The following SLC22A17 variants were observed in gnomAD, a reference collection of about 807,000 sequenced individuals.
SLC22A17 encodes solute carrier family 22 member 17.
Under a neutral mutation model 53.6 loss-of-function variants are expected in SLC22A17, and 38 were observed. That is an observed-to-expected ratio of 0.71 (90% CI 0.55 to 0.93). SLC22A17 has a LOEUF of 0.93. SLC22A17 is among the 40% of genes least tolerant of loss of function. SLC22A17 has a pLI of 0.00. For missense variants in SLC22A17, 704 were observed against 791.0 expected, an observed-to-expected ratio of 0.89 and a Z score of 1.32; for synonymous variants, 379 against 353.0, an observed-to-expected ratio of 1.07 and a Z score of -0.82.
rs1345202898 is a variant in SLC22A17, at chr14:23,349,347, A to AG, written c.783dup (p.Ser262LeufsTer19). ...AATCGGAGGGCCATGACGCCTGTGG[A>AG]GGAGCCTGCAGCAGCCCCTCCTACT... On this transcript the variant is annotated frameshift_variant, in exon 4 of 10. Transcript: ENST00000397267. LOFTEE classifies it high-confidence loss of function. The AG allele has an allele frequency of 6.2e-7, 1 of 1,613,856 alleles. No homozygotes were observed.
chr14:23,349,465 T>G (rs1566481751), intron 3 of SLC22A17, 39 bp from the exon 4 acceptor site: 1 of 1,585,402 alleles, frequency 6.3e-7, no homozygotes, highest in Non-Finnish European at 8.6e-7. Context: ...CCAGACTCTC[T>G]GGTGGTGGGA....
intron 3 of SLC22A17, among the ~76,000 whole-genome samples, chr14:23,350,746 T>C (rs1474335380): frequency 6.6e-6 from 1 of 152,172 alleles, no homozygotes; most frequent in African/African-American, 2.4e-5. Flanking sequence ...GATGAAACCA[T>C]GGTTCCATAG....
rs1373738231 is a variant in SLC22A17, at chr14:23,347,065, GC to G, written c.1661+35del. 4.4e-6 allele frequency: 7 copies of G among 1,578,234 alleles called. No homozygotes were observed. The highest frequency in any genetic ancestry group is 6.0e-6 in the Non-Finnish European group (7 of 1,161,216). On this transcript the variant is annotated intron_variant, in intron 9 of 9. Coordinates refer to ENST00000397267, the Ensembl canonical transcript of SLC22A17. This position sits in a 1 kb window ranked among gnomAD's most constrained non-coding sequence, Gnocchi z 5.1. ...GGGTGGGGGAGCGGGAGGCGAGGGG[GC>G]CCGGCTCTGCCCCTGGGGGCACCCC...
In SLC22A17 at chr14:23,352,563, C is replaced by A. The variant is rs556146822; in HGVS notation, c.96+83G>T. ...GGAAGGCAGTCAGGGGCGAGGGATG[C>A]GCAGGAGGAAAATGCCAGACGCTCC... On this transcript the variant is annotated intron_variant, in intron 1 of 9. Coordinates refer to ENST00000397267, the Ensembl canonical transcript of SLC22A17. The surrounding 1 kb of genome is among the most constrained non-coding windows in gnomAD (Gnocchi z 7.2). 1 of 415,648 alleles carries A rather than the reference C, an allele frequency of 2.4e-6. No homozygotes were observed. The highest frequency in any genetic ancestry group is 3.6e-5 in the East Asian group (1 of 28,108). The allele number at this position is 415,648 out of a possible 1,614,324, so 25.7% of individuals were successfully genotyped here. A position where few individuals can be genotyped will look rare whatever the true frequency, so the allele number is the denominator to read the frequency against.
chr14:23,349,379 G>A (rs1214506484), exon 4 of SLC22A17: 1 of 1,613,784 alleles, frequency 6.2e-7, no homozygotes, highest in African/African-American at 1.3e-5. Context: ...TACTCCACAG[G>A]GGCCCACCAG....
Position 23,347,250 on chromosome 14 carries a change from G to C in SLC22A17, c.1550-38C>G. 1 of 1,580,080 alleles carries C rather than the reference G, an allele frequency of 6.3e-7. No homozygotes were observed. The highest frequency in any genetic ancestry group is 8.6e-7 in the Non-Finnish European group (1 of 1,156,946). On this transcript the variant is annotated intron_variant, in intron 8 of 9. Transcript: ENST00000397267. This position sits in a 1 kb window ranked among gnomAD's most constrained non-coding sequence, Gnocchi z 5.1. ...GAGGGATGATATGAATGCAGGTGGG[G>C]AGGTCAAGGCTGGCCTAGTCCCGGG...
Position 23,348,473 on chromosome 14 carries a change from AT to A in SLC22A17, c.1025+32del. On this transcript the variant is annotated intron_variant, in intron 5 of 9. Transcript: ENST00000397267. The surrounding 1 kb of genome is among the most constrained non-coding windows in gnomAD (Gnocchi z 4.5). ...GGCTAGTTTGGAGGCAGAGATGGGA[AT>A]TGCCAGACGACAGGTGAAGGGTAAT... is the stretch of plus-strand genomic sequence containing the variant. 1 of 1,603,690 alleles carries A rather than the reference AT, an allele frequency of 6.2e-7. No individual in the cohort carries two copies.
At chr14:23,351,653 A>T in intron 3 of SLC22A17, 99 bp downstream of exon 3, 1 of 920,696 alleles carries the variant, frequency 1.1e-6, no homozygotes, top group Non-Finnish European at 1.7e-6. Context: ...TGCAGAGTCC[A>T]GCGAATCGTC....
chr14:23,349,808 T>A (rs988835990), intron 3 of SLC22A17: 1 of 231,622 alleles, frequency 4.3e-6, no homozygotes, highest in Non-Finnish European at 8.5e-6. Context: ...TTGCTCAGAC[T>A]GTTCAGAGGA....
chr14:23,346,591 A>G (rs2138508983), exon 10 of SLC22A17: 1 of 1,432,258 alleles, frequency 7.0e-7, no homozygotes, highest in Non-Finnish European at 9.1e-7. Context: ...AGTCTTCCCG[A>G]TCTTCTTGCC....
rs1026520832 is a variant in SLC22A17 at position 23,352,834 on chromosome 14, C to G, written c.-93G>C. On this transcript the variant is annotated 5_prime_UTR_variant, in exon 1 of 10. Coordinates refer to ENST00000397267, the Ensembl canonical transcript of SLC22A17. This position sits in a 1 kb window ranked among gnomAD's most constrained non-coding sequence, Gnocchi z 7.2. Reference sequence around the variant, plus strand: ...GCCGGCTGCCCGGACACAGACAGCTCGAAGAGATCCCGCTCTGCAGCTCTG... The same window carrying G: ...GCCGGCTGCCCGGACACAGACAGCTGGAAGAGATCCCGCTCTGCAGCTCTG... 1 of 398,200 alleles carries G rather than the reference C, an allele frequency of 2.5e-6. No homozygotes were observed. The highest frequency in any genetic ancestry group is 4.4e-6 in the Non-Finnish European group (1 of 225,582). The allele number at this position is 398,200 out of a possible 1,614,324, so 24.7% of individuals were successfully genotyped here.
rs765594626 is a variant in SLC22A17 at position 23,351,873 on chromosome 14, G to A, written c.601-18C>T. The A allele has an allele frequency of 1.1e-5, 18 of 1,612,184 alleles. No homozygotes were observed. The highest frequency in any genetic ancestry group is 1.5e-5 in the Non-Finnish European group (18 of 1,178,920). ...AGATCCCACTGGGGATGTGAGAAGG[G>A]TGCAGCGGGCGTGAGGCCCCGCCCT... is the stretch of plus-strand genomic sequence containing the variant. On this transcript the variant is annotated intron_variant, in intron 2 of 9. Transcript: ENST00000397267.
Position 23,348,863 on chromosome 14 carries a change from C to CT in SLC22A17, c.860-193dup. 2 of 636,066 alleles carry CT rather than the reference C, an allele frequency of 3.1e-6. No homozygotes were observed. The highest frequency in any genetic ancestry group is 5.5e-5 in the East Asian group (2 of 36,268). 39.4% of individuals were successfully genotyped at this position (636,066 alleles called of 1,614,324 possible). Reference sequence around the variant, plus strand: ...AGACTGTTCAGCCCTCTCTCCTCTCCTGCTCAAACCTAGGAGGGCTCTAGG... The same window carrying CT: ...AGACTGTTCAGCCCTCTCTCCTCTCCTTGCTCAAACCTAGGAGGGCTCTAGG... On this transcript the variant is annotated intron_variant, in intron 4 of 9. Coordinates refer to ENST00000397267, the Ensembl canonical transcript of SLC22A17. This position sits in a 1 kb window ranked among gnomAD's most constrained non-coding sequence, Gnocchi z 4.5.
Position 23,347,196 on chromosome 14 carries a change from G to A in SLC22A17, c.1566C>T (p.Ala522=), listed in dbSNP as rs746217751. The A allele has an allele frequency of 1.2e-6, 2 of 1,613,692 alleles. No homozygotes were observed. The highest frequency in any genetic ancestry group is 1.7e-6 in the Non-Finnish European group (2 of 1,179,860). ...GCCCAAGGACAGAGAAAGTGGTGAT[G>A]GCAGCCTCGTTCAGATCTGCAGAAG... The change falls in exon 9 of 10, where the codon GCC becomes GCT. Residue 522 remains alanine (A), a synonymous_variant. Coordinates refer to ENST00000397267, the Ensembl canonical transcript of SLC22A17. This position sits in a 1 kb window ranked among gnomAD's most constrained non-coding sequence, Gnocchi z 5.1.
In SLC22A17 at chr14:23,348,684, C is replaced by T; in HGVS notation, c.860-13G>A. The T allele has an allele frequency of 6.2e-7, 1 of 1,602,490 alleles. No homozygotes were observed. On this transcript the variant is annotated splice_polypyrimidine_tract_variant and intron_variant, in intron 4 of 9. Coordinates refer to ENST00000397267, the Ensembl canonical transcript of SLC22A17. The surrounding 1 kb of genome is among the most constrained non-coding windows in gnomAD (Gnocchi z 4.5). ...CACAGCTCCAGGCCTGGAGATACAGCAGGGGTGGAGAGAGGAGAGGGAGGC... is the reference window on the plus strand; with the variant it reads ...CACAGCTCCAGGCCTGGAGATACAGTAGGGGTGGAGAGAGGAGAGGGAGGC...
rs776025716 is a variant in SLC22A17 at position 23,348,462 on chromosome 14, C to G, written c.1025+44G>C. ...CTCCGGGCTAGGGCTAGTTTGGAGGCAGAGATGGGAATTGCCAGACGACAG... is the reference window on the plus strand; with the variant it reads ...CTCCGGGCTAGGGCTAGTTTGGAGGGAGAGATGGGAATTGCCAGACGACAG... On this transcript the variant is annotated intron_variant, in intron 5 of 9. Coordinates refer to ENST00000397267, the Ensembl canonical transcript of SLC22A17. The surrounding 1 kb of genome is among the most constrained non-coding windows in gnomAD (Gnocchi z 4.5). 3.8e-6 allele frequency: 6 copies of G among 1,599,104 alleles called. 1 individual carries two copies. The South Asian group carries it at 6.8e-5, about 18-fold the overall frequency.
exon 4 of SLC22A17, chr14:23,349,396 G>A: frequency 6.2e-7 from 1 of 1,613,830 alleles, no homozygotes; most frequent in Non-Finnish European, 8.5e-7. Context: ...CCAGCCCCAA[G>A]GTCAGCAGCA....
chr14:23,349,621 T>A (rs1595011184), intron 3 of SLC22A17, 195 bp from the exon 4 acceptor site: 1 of 621,790 alleles, frequency 1.6e-6, no homozygotes, highest in East Asian at 2.8e-5. Context: ...GGCACTGGGG[T>A]GTGGTTGTGG....
At chr14:23,351,780 A>G (rs2138520206) in exon 3 of SLC22A17, 3 of 1,613,780 alleles carry the variant, frequency 1.9e-6, no homozygotes, top group South Asian at 2.2e-5. Context: ...AGGAACAGGT[A>G]GCCGGAGGCA....
Sources: gnomAD v4.1 joint callset for allele counts (sites outside exome capture counted in the v4.1 genomes callset) on GRCh38, gnomAD v4.1.1 for gene constraint, Gnocchi (gnomAD v3.1) non-coding constraint, MANE v1.5 for transcripts, NCBI Gene and HGNC (gene_info 2026-07-23, HGNC 2026-07-21) for gene names.